OR51B5: variants seen among roughly 807,000 people sequenced by gnomAD.
OR51B5 encodes olfactory receptor family 51 subfamily B member 5.
For synonymous variants in OR51B5, 186 were observed against 144.8 expected (o/e 1.28, Z -2.04); for missense variants, 456 against 374.6 (o/e 1.22, Z -1.79).
upstream of OR51B5, among the ~76,000 whole-genome samples, chr11:5,348,377 C>A (rs923482966): frequency 5.3e-5 from 8 of 152,084 alleles, no homozygotes; most frequent in Admixed American, 3.3e-4. Flanking sequence ...CTGCCCCCAA[C>A]CCCATGTCTT....
At chr11:5,441,968 T>C (rs1404634542) in intron 1 of OR51B5, among the ~76,000 whole-genome samples, 1 of 152,182 alleles carries the variant, frequency 6.6e-6, no homozygotes, top group Non-Finnish European at 1.5e-5. Flanking sequence ...GAACTTGTCA[T>C]AGCCAAAAAC....
At chr11:5,471,752 A>G (rs993155625) in intron 1 of OR51B5, among the ~76,000 whole-genome samples, 2 of 152,178 alleles carry the variant, frequency 1.3e-5, no homozygotes, top group Non-Finnish European at 2.9e-5. Context: ...TAGCTCCCCT[A>G]GCATCTAATA....
chr11:5,470,057 G>A (rs1851204331), intron 1 of OR51B5, among the ~76,000 whole-genome samples: 1 of 152,094 alleles, frequency 6.6e-6, no homozygotes, highest in African/African-American at 2.4e-5. Flanking sequence ...CATGGATTTT[G>A]TTTTAATCTC....
chr11:5,378,155 C>T (rs569040553), intron 1 of OR51B5, among the ~76,000 whole-genome samples: 16 of 151,632 alleles, frequency 1.1e-4, no homozygotes, highest in South Asian at 4.2e-4. Context: ...GAAATAACGA[C>T]GCATATCTAC....
chr11:5,408,104 C>G (rs1272684244), intron 1 of OR51B5, among the ~76,000 whole-genome samples: 1 of 152,104 alleles, frequency 6.6e-6, no homozygotes, highest in Non-Finnish European at 1.5e-5. Context: ...CTCTTTTTCT[C>G]TCTGAACTAC....
intron 1 of OR51B5, among the ~76,000 whole-genome samples, chr11:5,477,596 G>C (rs1186239053): frequency 6.6e-6 from 1 of 152,212 alleles, no homozygotes; most frequent in Admixed American, 6.5e-5. Flanking sequence ...TTCCATCTGA[G>C]GTACCGGGTT....
At chr11:5,482,718 AAAG>A (rs1301754174) in intron 1 of OR51B5, among the ~76,000 whole-genome samples, 1 of 84,814 alleles carries the variant, frequency 1.2e-5, no homozygotes, top group African/African-American at 5.1e-5. Context: ...ACACTTCTCA[AAAG>A]AAGACATTTA....
intron 1 of OR51B5, among the ~76,000 whole-genome samples, chr11:5,401,267 A>T (rs1305852566): frequency 1.3e-5 from 2 of 152,224 alleles, no homozygotes. Flanking sequence ...CCAATGGATA[A>T]GGTAAGTTTC....
chr11:5,416,366 C>G (rs1429247417), intron 1 of OR51B5, among the ~76,000 whole-genome samples: 2 of 151,874 alleles, frequency 1.3e-5, no homozygotes, highest in African/African-American at 2.4e-5. Flanking sequence ...AAAACTGGCA[C>G]AAGACAAGGA....
At chr11:5,428,969 C>T (rs1564810602) in intron 1 of OR51B5, among the ~76,000 whole-genome samples, 1 of 152,180 alleles carries the variant, frequency 6.6e-6, no homozygotes, top group Non-Finnish European at 1.5e-5. Context: ...AGATTTGTGA[C>T]TGCTCCAATT....
chr11:5,472,464 C>T (rs1345008206), intron 1 of OR51B5, among the ~76,000 whole-genome samples: 1 of 152,094 alleles, frequency 6.6e-6, no homozygotes, highest in Non-Finnish European at 1.5e-5. Flanking sequence ...ACTGCACACA[C>T]TGCACACAGC....
chr11:5,343,240 G>T lies in OR51B5; in HGVS notation c.285C>A (p.Cys95Ter), dbSNP rs771019204. Residue 95 changes from cysteine (C) to a stop codon, truncating the protein, a stop_gained, in exon 1 of 1, where the codon TGC becomes TGA. Transcript: ENST00000300773. LOFTEE classifies it low-confidence loss of function (END_TRUNC). ...AGTGTATAAAGTAGGCCTGGGAAAA[G>T]CAGGCCGCACTTCCAATCTCCCTGT... The T allele has an allele frequency of 6.2e-7, 1 of 1,613,662 alleles. No homozygotes were observed. The highest frequency in any genetic ancestry group is 2.2e-5 in the East Asian group (1 of 44,840).
At chr11:5,422,592 C>T (rs1850362243) in intron 1 of OR51B5, 1 of 1,614,062 alleles carries the variant, frequency 6.2e-7, no homozygotes, top group East Asian at 2.2e-5. Flanking sequence ...ATCTGCTGTC[C>T]CCTCCATTAT....
intron 1 of OR51B5, among the ~76,000 whole-genome samples, chr11:5,370,889 G>C (rs1282699441): frequency 6.6e-6 from 1 of 152,202 alleles, no homozygotes; most frequent in East Asian, 1.9e-4. Flanking sequence ...GCTGTGACCT[G>C]AGAGTTGTAG....
rs1470788438 is a variant in OR51B5 at position 5,397,258 on chromosome 11, T to C, written n.85-50348A>G. Reference sequence around the variant, plus strand: ...ACAGCAAAAGAAACTACCATCAGAGTGAACAGGCAACCTACACAATGGGAG... The same window carrying C: ...ACAGCAAAAGAAACTACCATCAGAGCGAACAGGCAACCTACACAATGGGAG... On this transcript the variant is annotated intron_variant and non_coding_transcript_variant, in intron 1 of 4. Transcript: ENST00000415970. Among the ~76,000 whole-genome samples the C allele has an allele frequency of 1.8e-4, 28 of 151,894 alleles. 1 individual carries two copies. The highest frequency in any genetic ancestry group is 1.8e-3 in the Admixed American group (28 of 15,256).
intron 1 of OR51B5, among the ~76,000 whole-genome samples, chr11:5,369,765 C>T (rs570551164): frequency 6.6e-6 from 1 of 152,256 alleles, no homozygotes; most frequent in Non-Finnish European, 1.5e-5. Context: ...GTAGCAAGGG[C>T]TATGTGTAGC....
chr11:5,497,348 G>T (rs1213631799), intron 1 of OR51B5, among the ~76,000 whole-genome samples: 2 of 152,182 alleles, frequency 1.3e-5, no homozygotes, highest in South Asian at 2.1e-4. Context: ...GGAGGCAGAG[G>T]TTGCAGTGAG....
chr11:5,394,918 T>C (rs532998315), intron 1 of OR51B5, among the ~76,000 whole-genome samples: 1 of 152,294 alleles, frequency 6.6e-6, no homozygotes, highest in African/African-American at 2.4e-5. Flanking sequence ...AATAACTACC[T>C]GGTTGTAAAG....
At chr11:5,470,217 G>A (rs1188890569) in intron 1 of OR51B5, among the ~76,000 whole-genome samples, 1 of 152,144 alleles carries the variant, frequency 6.6e-6, no homozygotes. Flanking sequence ...AAACTCATAG[G>A]CAATTCCCGT....
Sources: gnomAD v4.1 joint callset for allele counts (sites outside exome capture counted in the v4.1 genomes callset) on GRCh38, gnomAD v4.1.1 for gene constraint, MANE v1.5 for transcripts, NCBI Gene and HGNC (gene_info 2026-07-23, HGNC 2026-07-21) for gene names.